OSGEP: variants seen among roughly 807,000 people sequenced by gnomAD.
OSGEP encodes tRNA N6-adenosine threonylcarbamoyltransferase.
A neutral mutation model predicts 44.1 loss-of-function variants in OSGEP; 39 were observed. The observed-to-expected ratio is 0.88, with a 90% CI of 0.69 to 1.16. The LOEUF is 1.16. Among genes scored for constraint, OSGEP ranks in the 50% most tolerant of loss-of-function variants. OSGEP has a pLI of 0.00. For missense variants in OSGEP, 403 were observed against 443.1 expected (o/e 0.91, Z 0.81); for synonymous variants, 139 against 161.9 (o/e 0.86, Z 1.07).
At chr14:20,449,136 C>A in intron 4 of OSGEP, 35 bp downstream of exon 4, 1 of 1,552,696 alleles carries the variant, frequency 6.4e-7, no homozygotes, top group South Asian at 1.1e-5. Context: ...AAAATTCACC[C>A]ACATTTTATG....
intron 1 of OSGEP, among the ~76,000 whole-genome samples, chr14:20,452,856 G>A (rs1160055036): frequency 6.6e-6 from 1 of 151,856 alleles, no homozygotes; most frequent in African/African-American, 2.4e-5. Flanking sequence ...GACTACAGGC[G>A]ACACCACCAC....
Position 20,447,936 on chromosome 14 carries a change from G to A in OSGEP, c.761C>T (p.Ser254Phe). Reference sequence around the variant, plus strand: ...TCCTCCCACAATGAGGGCCTCCTGGGAGCCACAATGTGCCATGGCTCGCTC... The same window carrying A: ...TCCTCCCACAATGAGGGCCTCCTGGAAGCCACAATGTGCCATGGCTCGCTC... ...ITERAMAHCG[S>F]QEALIVGGVG... is the part of the protein sequence containing the mutation. Residue 254 changes from serine (S) to phenylalanine (F), a missense_variant, in exon 8 of 11, where the codon TCC becomes TTC. Transcript: ENST00000206542. 1 of 1,613,772 alleles carries A rather than the reference G, an allele frequency of 6.2e-7. No homozygotes were observed. The highest frequency in any genetic ancestry group is 1.1e-5 in the South Asian group (1 of 91,074).
intron 4 of OSGEP, 57 bp from the exon 5 acceptor site, chr14:20,449,070 C>T: frequency 6.5e-7 from 1 of 1,534,926 alleles, no homozygotes; most frequent in African/African-American, 1.4e-5. Context: ...ATCAGATATG[C>T]AGGAAGCATA....
Position 20,447,434 on chromosome 14 carries a change from C to T in OSGEP, c.956G>A (p.Gly319Glu), listed in dbSNP as rs749843747. ...AGHRTPLSDS[G>E]VTQRYRTDEV... is the part of the protein sequence containing the mutation. ...GTGAATCACTCACCTCTGTGTAACCCCAGAATCACTGAGTGGGGTCCTGTG... is the reference window on the plus strand; with the variant it reads ...GTGAATCACTCACCTCTGTGTAACCTCAGAATCACTGAGTGGGGTCCTGTG... Residue 319 changes from glycine (G) to glutamate (E), a missense_variant, in exon 10 of 11, where the codon GGG becomes GAG. Gly to Glu is a moderately conservative substitution (Grantham distance 98). Coordinates refer to ENST00000206542, the MANE Select transcript of OSGEP (RefSeq NM_017807.4). 1.5e-5 allele frequency: 25 copies of T among 1,613,700 alleles called. No individual in the cohort carries two copies. The East Asian group carries it at 1.8e-4, about 12-fold the overall frequency.
rs1183390918 is a variant in OSGEP at position 20,452,451 on chromosome 14, A to G, written c.116-3T>C. 1.2e-6 allele frequency: 2 copies of G among 1,613,310 alleles called. No individual in the cohort carries two copies. The highest frequency in any genetic ancestry group is 2.7e-5 in the African/African-American group (2 of 74,926). On this transcript the variant is annotated splice_region_variant and splice_polypyrimidine_tract_variant and intron_variant, in intron 1 of 10. Coordinates refer to ENST00000206542, the MANE Select transcript of OSGEP (RefSeq NM_017807.4). ...GGCTGTATCACCTGGAAGGAATCCTAGAAAATGAACATAGGTCAGAGATCA... is the reference window on the plus strand; with the variant it reads ...GGCTGTATCACCTGGAAGGAATCCTGGAAAATGAACATAGGTCAGAGATCA...
At position 20,447,138 on chromosome 14, in the gene OSGEP, T is replaced by C; in HGVS notation, c.*102A>G. Reference sequence around the variant, plus strand: ...AGGACCCCAAGCCTTGCTTGGAGTCTATAGCTTTGCTAGGACTCCCATGAC... The same window carrying C: ...AGGACCCCAAGCCTTGCTTGGAGTCCATAGCTTTGCTAGGACTCCCATGAC... On this transcript the variant is annotated 3_prime_UTR_variant, in exon 11 of 11. Transcript: ENST00000206542. 2.0e-6 allele frequency: 2 copies of C among 981,804 alleles called. No homozygotes were observed. Among genetic ancestry groups the C allele is most frequent in the Non-Finnish European group, 3.3e-6 (2 of 611,918 alleles). 60.8% of individuals were successfully genotyped at this position (981,804 alleles called of 1,614,324 possible).
At chr14:20,451,863 T>C in intron 3 of OSGEP, 111 bp downstream of exon 3, 1 of 1,018,350 alleles carries the variant, frequency 9.8e-7, no homozygotes, top group Non-Finnish European at 1.4e-6. Context: ...TATTTTAGGT[T>C]CAGATAAGTC....
intron 3 of OSGEP, chr14:20,450,209 A>G (rs1426556418): frequency 1.3e-5 from 2 of 152,172 alleles, no homozygotes; most frequent in East Asian, 3.9e-4. Context: ...ACTTTTTTGT[A>G]TTAAGGCCGT....
chr14:20,448,225 A>G, intron 6 of OSGEP, 54 bp from the exon 7 acceptor site: 3 of 1,460,170 alleles, frequency 2.1e-6, no homozygotes, highest in Non-Finnish European at 2.9e-6. Context: ...TTGGGATTAC[A>G]CGAGAGCAAA....
chr14:20,451,300 T>C, intron 3 of OSGEP: 1 of 300,508 alleles, frequency 3.3e-6, no homozygotes, highest in Non-Finnish European at 6.4e-6. Flanking sequence ...TGTTTTTTTT[T>C]GTTTTTTGTT....
chr14:20,448,159 G>C lies in OSGEP; in HGVS notation c.649C>G (p.Arg217Gly). 1 of 1,612,782 alleles carries C rather than the reference G, an allele frequency of 6.2e-7. No homozygotes were observed. The highest frequency in any genetic ancestry group is 1.1e-5 in the South Asian group (1 of 91,034). ...GTACACTCGCCTGTGGCCAGCATCC[G>C]ATGGGCTACATCCTACAATTAAAGG... ...ILSFIEDVAH[R>G]MLATGECTPE... Residue 217 changes from arginine (R) to glycine (G), a missense_variant, in exon 7 of 11, where the codon CGG (arginine) becomes GGG (glycine). Physicochemically the swap from Arg to Gly is moderately radical, Grantham distance 125. Coordinates refer to ENST00000206542, the MANE Select transcript of OSGEP (RefSeq NM_017807.4).
intron 9 of OSGEP, 41 bp downstream of exon 9, chr14:20,447,574 C>T: frequency 6.2e-7 from 1 of 1,608,324 alleles, no homozygotes; most frequent in Non-Finnish European, 8.5e-7. Flanking sequence ...ATCACTATAA[C>T]AGGAGAAGTA....
intron 4 of OSGEP, 74 bp downstream of exon 4, chr14:20,449,097 T>C (rs2139290920): frequency 6.7e-7 from 1 of 1,492,682 alleles, no homozygotes. Context: ...TCATTTACTA[T>C]TTCCTCCCTC....
At position 20,448,822 on chromosome 14, in the gene OSGEP, A is replaced by G; in HGVS notation, c.558-11T>C. 6.2e-7 allele frequency: 1 copy of G among 1,609,714 alleles called. No homozygotes were observed. Among genetic ancestry groups the G allele is most frequent in the Non-Finnish European group, 8.5e-7 (1 of 1,175,986 alleles). ...ACTAGCTTCTTGCCTCTATGTGGGA[A>G]TAAGCGTACGAGGCACTAAGCCTAC... On this transcript the variant is annotated splice_polypyrimidine_tract_variant and intron_variant, in intron 5 of 10. Transcript: ENST00000206542.
rs1555331969 is a variant in OSGEP at position 20,454,644 on chromosome 14, T to G, written c.40A>C (p.Ile14Leu). The change falls in exon 1 of 11, where the codon ATT (isoleucine) becomes CTT (leucine). Residue 14 changes from isoleucine to leucine, a missense_variant. Coordinates refer to ENST00000206542, the MANE Select transcript of OSGEP (RefSeq NM_017807.4). ...CCATCCCGCACCACGCCCACGCCAA[T>G]CTTATTGGCGCTGCCTTCAAAACCC... is the stretch of plus-strand genomic sequence containing the variant. ...VLGFEGSANK[I>L]GVGVVRDGKV... 6.2e-7 allele frequency: 1 copy of G among 1,614,032 alleles called. No homozygotes were observed. Among genetic ancestry groups the G allele is most frequent in the Non-Finnish European group, 8.5e-7 (1 of 1,180,018 alleles).
At chr14:20,453,704 G>A (rs116146117) in intron 1 of OSGEP, among the ~76,000 whole-genome samples, 6,130 of 152,186 alleles carry the variant, frequency 0.04, 231 homozygotes, top group African/African-American at 0.087. Context: ...AAGACCTAAT[G>A]ATACAGGTAT....
At chr14:20,448,906 T>C in intron 5 of OSGEP, 58 bp downstream of exon 5, 3 of 1,596,144 alleles carry the variant, frequency 1.9e-6, no homozygotes, top group Non-Finnish European at 2.6e-6. Flanking sequence ...ATATACCGTA[T>C]ATGGGGAAAT....
chr14:20,449,451 C>T, intron 3 of OSGEP, 185 bp from the exon 4 acceptor site: 1 of 578,000 alleles, frequency 1.7e-6, no homozygotes, highest in South Asian at 2.0e-5. Context: ...AATCTGTATA[C>T]CCTGAGGATT....
At chr14:20,453,596 G>A (rs538472615) in intron 1 of OSGEP, among the ~76,000 whole-genome samples, 1 of 151,380 alleles carries the variant, frequency 6.6e-6, no homozygotes, top group Non-Finnish European at 1.5e-5. Context: ...CTCGAACCCC[G>A]ACCTCAGGTG....
Sources: allele counts gnomAD v4.1 joint callset (sites outside exome capture counted in the v4.1 genomes callset), GRCh38; gene constraint gnomAD v4.1.1; transcripts MANE v1.5; gene names NCBI Gene and HGNC (gene_info 2026-07-23, HGNC 2026-07-21).